Variants in FRMD6 observed in about 807,000 individuals in gnomAD.
FRMD6 encodes the protein FERM domain-containing protein 6.
In FRMD6, 37 loss-of-function variants were observed where a neutral mutation model predicts 73.2. The observed-to-expected ratio is 0.51, with a 90% CI of 0.39 to 0.66. FRMD6 has a LOEUF of 0.66. Among genes scored for constraint, FRMD6 ranks in the 30% least tolerant of loss-of-function variants. The pLI is 0.00. For synonymous variants in FRMD6, 273 were observed against 282.2 expected (o/e 0.97, Z 0.33); for missense variants, 714 against 780.5 (o/e 0.91, Z 1.02).
the FRMD6 span, among the ~76,000 whole-genome samples, chr14:51,422,775 G>A: frequency 6.6e-6 from 1 of 152,164 alleles, no homozygotes; most frequent in Non-Finnish European, 1.5e-5. Flanking sequence ...TGCACAGGTG[G>A]GTCAACACCC....
intron 1 of FRMD6, among the ~76,000 whole-genome samples, chr14:51,512,804 T>C (rs1001617954): frequency 1.3e-5 from 2 of 152,026 alleles, no homozygotes; most frequent in Non-Finnish European, 2.9e-5. Flanking sequence ...AAAGCAAGGA[T>C]TGGGGCTCAG....
the FRMD6 span, among the ~76,000 whole-genome samples, chr14:51,446,802 G>T: frequency 6.6e-6 from 1 of 152,146 alleles, no homozygotes; most frequent in Admixed American, 6.5e-5. Context: ...AATGATTAGG[G>T]TGCAGTCATT....
Position 51,655,914 on chromosome 14 carries a change from A to G in FRMD6, c.-147+3918A>G, listed in dbSNP as rs189582704. On this transcript the variant is annotated intron_variant, in intron 1 of 13. Coordinates refer to ENST00000344768, the MANE Select transcript of FRMD6 (RefSeq NM_001267046.2). Reference sequence around the variant, plus strand: ...TATAACTGTATCCCGTACACTCCAAAAGCCACTTCCCATTTCAAAGACTGG... The same window carrying G: ...TATAACTGTATCCCGTACACTCCAAGAGCCACTTCCCATTTCAAAGACTGG... 1.2e-3 allele frequency among the ~76,000 whole-genome samples: 181 copies of G among 152,330 alleles called. 3 individuals are homozygous for G. Among genetic ancestry groups the G allele is most frequent in the Admixed American group, 0.012 (180 of 15,304 alleles).
Position 51,728,744 on chromosome 14 carries a change from A to G in FRMD6, c.*715A>G, listed in dbSNP as rs1898119021. ...TTTGAGTTCCACATCCAAGTAACAGATGAATTATATTCATGTTGTAATGCA... is the reference window on the plus strand; with the variant it reads ...TTTGAGTTCCACATCCAAGTAACAGGTGAATTATATTCATGTTGTAATGCA... On this transcript the variant is annotated 3_prime_UTR_variant, in exon 14 of 14. Coordinates refer to ENST00000344768, the MANE Select transcript of FRMD6 (RefSeq NM_001267046.2). 6.6e-6 allele frequency: 1 copy of G among 152,650 alleles called. No individual in the cohort carries two copies. Among genetic ancestry groups the G allele is most frequent in the African/African-American group, 2.4e-5 (1 of 41,460 alleles). The allele number at this position is 152,650 out of a possible 1,614,324, so 9.5% of individuals were successfully genotyped here.
chr14:51,630,273 C>T (rs962529407), intron 2 of FRMD6, among the ~76,000 whole-genome samples: 4 of 151,840 alleles, frequency 2.6e-5, no homozygotes, highest in Non-Finnish European at 4.4e-5. Flanking sequence ...TATCATAAAA[C>T]TCATAATCCC....
chr14:51,542,864 A>T (rs1320447411), intron 1 of FRMD6, among the ~76,000 whole-genome samples: 1 of 152,064 alleles, frequency 6.6e-6, no homozygotes, highest in African/African-American at 2.4e-5. Context: ...TTTCCTAATG[A>T]CTAGTGACAT....
intron 1 of FRMD6, chr14:51,546,726 G>C (rs57830420): frequency 1.3e-5 from 2 of 151,876 alleles, no homozygotes; most frequent in African/African-American, 4.8e-5. Context: ...TATACATGTA[G>C]AGCTAGCACA....
intron 1 of FRMD6, among the ~76,000 whole-genome samples, chr14:51,657,316 C>G (rs1892903684): frequency 1.3e-5 from 2 of 152,108 alleles, no homozygotes; most frequent in South Asian, 4.1e-4. Context: ...ACAAAATGAT[C>G]ACATTTGGGC....
chr14:51,435,864 A>G, the FRMD6 span, among the ~76,000 whole-genome samples: 1 of 152,250 alleles, frequency 6.6e-6, no homozygotes, highest in Non-Finnish European at 1.5e-5. Flanking sequence ...TGTGCATTGT[A>G]TACAGGTATT....
chr14:51,588,353 C>A (rs1889177085), intron 2 of FRMD6, among the ~76,000 whole-genome samples: 1 of 151,710 alleles, frequency 6.6e-6, no homozygotes, highest in African/African-American at 2.4e-5. Flanking sequence ...TATACATGTG[C>A]CATCTTGGTG....
chr14:51,509,306 G>A (rs1377438812), intron 1 of FRMD6, among the ~76,000 whole-genome samples: 1 of 152,072 alleles, frequency 6.6e-6, no homozygotes, highest in Non-Finnish European at 1.5e-5. Context: ...GGCGGATCAC[G>A]AGGTCAGGTG....
chr14:51,459,884 C>CTTTTTTTTTTTTTTGTTTT, the FRMD6 span, among the ~76,000 whole-genome samples: 1 of 74,650 alleles, frequency 1.3e-5, no homozygotes, highest in Non-Finnish European at 2.3e-5. Flanking sequence ...TACTGACTCT[C>CTTTTTTTTTTTTTTGTTTT]TTTTTTTTTT....
At chr14:51,398,265 G>T in the FRMD6 span, among the ~76,000 whole-genome samples, 1 of 152,122 alleles carries the variant, frequency 6.6e-6, no homozygotes, top group Admixed American at 6.6e-5. Context: ...TACAAGGGCC[G>T]TTCTGAGAAT....
In FRMD6 at chr14:51,728,670, C is replaced by G. The variant is rs1295617699; in HGVS notation, c.*641C>G. The stretch of plus-strand genomic sequence containing the variant: ...TGATGCCTGTGACTCCTTCATCCCG[C>G]TCAGTGCCATGTCCTCTTTTGTGAT... On this transcript the variant is annotated 3_prime_UTR_variant, in exon 14 of 14. Coordinates refer to ENST00000344768, the MANE Select transcript of FRMD6 (RefSeq NM_001267046.2). 6.5e-6 allele frequency: 1 copy of G among 153,076 alleles called. No homozygotes were observed. The highest frequency in any genetic ancestry group is 2.1e-4 in the South Asian group (1 of 4,852). The allele number at this position is 153,076 out of a possible 1,614,324, so 9.5% of individuals were successfully genotyped here.
At chr14:51,519,552 A>G (rs1003925824) in intron 1 of FRMD6, among the ~76,000 whole-genome samples, 1 of 152,220 alleles carries the variant, frequency 6.6e-6, no homozygotes, top group Non-Finnish European at 1.5e-5. Context: ...ATTCAGTTCC[A>G]ATTTTGAGAG....
At chr14:51,543,456 C>G (rs1469972923) in intron 1 of FRMD6, among the ~76,000 whole-genome samples, 1 of 151,846 alleles carries the variant, frequency 6.6e-6, no homozygotes, top group Admixed American at 6.6e-5. Context: ...CATGACTTAC[C>G]TGTTATAGTT....
At chr14:51,551,918 C>T (rs1349993541) in intron 1 of FRMD6, among the ~76,000 whole-genome samples, 1 of 151,954 alleles carries the variant, frequency 6.6e-6, no homozygotes, top group East Asian at 1.9e-4. Flanking sequence ...TTTTCAGAAA[C>T]ACACACACAG....
intron 2 of FRMD6, among the ~76,000 whole-genome samples, chr14:51,690,778 G>C (rs1895506966): frequency 6.6e-6 from 1 of 152,142 alleles, no homozygotes; most frequent in African/African-American, 2.4e-5. Flanking sequence ...GAACATTTGA[G>C]CACTAAGCTG....
chr14:51,447,648 CTG>C, the FRMD6 span, among the ~76,000 whole-genome samples: 1 of 152,206 alleles, frequency 6.6e-6, no homozygotes, highest in South Asian at 2.1e-4. Context: ...AGCCCACACT[CTG>C]GGCACCTTGG....
Sources: allele counts gnomAD v4.1 joint callset (sites outside exome capture counted in the v4.1 genomes callset), GRCh38; gene constraint gnomAD v4.1.1; transcripts MANE v1.5; gene names NCBI Gene and HGNC (gene_info 2026-07-23, HGNC 2026-07-21).